The following APLF variants were observed in gnomAD, a reference collection of about 807,000 sequenced individuals.
APLF encodes aprataxin and PNKP like factor.
Under a neutral mutation model 55.6 loss-of-function variants are expected in APLF, and 61 were observed. The ratio of observed to expected loss-of-function variants is 1.10; its 90% CI spans 0.89 to 1.36. The LOEUF (loss-of-function observed/expected upper bound fraction) is 1.36. Among genes scored for constraint, APLF ranks in the 40% most tolerant of loss-of-function variants. APLF has a pLI of 0.00. For synonymous variants in APLF, 207 were observed against 214.8 expected, an observed-to-expected ratio of 0.96 and a Z score of 0.32; for missense variants, 611 against 602.5, an observed-to-expected ratio of 1.01 and a Z score of -0.15.
chr2:68,507,338 A>T (rs773349246), intron 3 of APLF, among the ~76,000 whole-genome samples: 4 of 151,986 alleles, frequency 2.6e-5, no homozygotes, highest in Admixed American at 6.6e-5. Flanking sequence ...AACCAACCAT[A>T]GAAGAGCTTG....
intron 2 of APLF, among the ~76,000 whole-genome samples, chr2:68,496,757 A>G (rs1209715034): frequency 6.6e-6 from 1 of 152,172 alleles, no homozygotes; most frequent in Non-Finnish European, 1.5e-5. Context: ...GACGTAACAT[A>G]CTTGACCTTT....
chr2:68,504,806 CTATTA>C, intron 3 of APLF, among the ~76,000 whole-genome samples: 1 of 152,022 alleles, frequency 6.6e-6, no homozygotes, highest in East Asian at 1.9e-4. Flanking sequence ...ACAAAAGTGT[CTATTA>C]TATGATTACA....
intron 1 of APLF, among the ~76,000 whole-genome samples, chr2:68,473,049 C>G (rs1428119656): frequency 1.3e-5 from 2 of 152,068 alleles, no homozygotes; most frequent in African/African-American, 4.8e-5. Context: ...ATGGTTTACA[C>G]TGGGGTTAAC....
At chr2:68,570,469 GT>G (rs1275954564) in intron 9 of APLF, among the ~76,000 whole-genome samples, 2 of 143,310 alleles carry the variant, frequency 1.4e-5, no homozygotes, top group Non-Finnish European at 3.0e-5. Context: ...ACAGGCCCCA[GT>G]GTGTGATGTT....
chr2:68,547,707 C>T (rs1670744447), intron 8 of APLF, among the ~76,000 whole-genome samples: 1 of 151,564 alleles, frequency 6.6e-6, no homozygotes, highest in Non-Finnish European at 1.5e-5. Flanking sequence ...TTCCAGATGA[C>T]TCATAGTACT....
At chr2:68,528,242 T>C in intron 6 of APLF, 17 of 1,237,442 alleles carry the variant, frequency 1.4e-5, no homozygotes, top group Non-Finnish European at 1.9e-5. Flanking sequence ...ATGCCTGCCC[T>C]GCTGTCTCTT....
chr2:68,494,232 C>T (rs1254862532), intron 2 of APLF, among the ~76,000 whole-genome samples: 1 of 139,702 alleles, frequency 7.2e-6, no homozygotes, highest in African/African-American at 2.7e-5. Flanking sequence ...AAGCTGAGAT[C>T]GCACCACTGT....
intron 1 of APLF, among the ~76,000 whole-genome samples, chr2:68,470,127 T>G (rs968053677): frequency 2.6e-5 from 4 of 152,228 alleles, no homozygotes; most frequent in Non-Finnish European, 5.9e-5. Flanking sequence ...ATTTTGATTC[T>G]GCTCCATGAT....
chr2:68,518,309 T>A (rs1335257113), intron 5 of APLF, among the ~76,000 whole-genome samples: 4 of 113,950 alleles, frequency 3.5e-5, no homozygotes, highest in East Asian at 2.5e-4. Flanking sequence ...ATATTATATA[T>A]TATTTAATAA....
At chr2:68,488,047 A>G (rs1194313441) in intron 1 of APLF, among the ~76,000 whole-genome samples, 1 of 152,168 alleles carries the variant, frequency 6.6e-6, no homozygotes, top group Non-Finnish European at 1.5e-5. Flanking sequence ...AGAGATAGGA[A>G]AAGTTCATGT....
At chr2:68,517,326 CATTACTATATAATATATTA>C (rs1558538611) in intron 5 of APLF, among the ~76,000 whole-genome samples, 8 of 111,886 alleles carry the variant, frequency 7.2e-5, no homozygotes, top group Non-Finnish European at 1.0e-4. Flanking sequence ...TAATATATGT[CATTACTATATAATATATTA>C]ATATATCATT....
At chr2:68,562,413 T>C (rs1371416606) in intron 8 of APLF, among the ~76,000 whole-genome samples, 1 of 152,008 alleles carries the variant, frequency 6.6e-6, no homozygotes, top group East Asian at 1.9e-4. Flanking sequence ...GTAGGTGCTA[T>C]GAAAGATATT....
intron 5 of APLF, 82 bp downstream of exon 5, chr2:68,513,762 A>G: frequency 2.0e-6 from 3 of 1,490,202 alleles, no homozygotes; most frequent in Non-Finnish European, 2.7e-6. Flanking sequence ...AAAACTATAA[A>G]CTAGTTCTAT....
At chr2:68,508,714 A>C (rs1344096148) in intron 3 of APLF, among the ~76,000 whole-genome samples, 2 of 152,068 alleles carry the variant, frequency 1.3e-5, no homozygotes, top group Non-Finnish European at 2.9e-5. Context: ...GAATTGGAAA[A>C]AACTACTTTA....
intron 7 of APLF, 124 bp downstream of exon 7, chr2:68,538,351 G>T (rs183566705): frequency 2.6e-6 from 2 of 783,238 alleles, no homozygotes; most frequent in Non-Finnish European, 3.8e-6. Flanking sequence ...GGGCTTTATC[G>T]TGTTTCTACT....
chr2:68,501,409 C>T (rs1235455788), intron 2 of APLF, among the ~76,000 whole-genome samples: 2 of 151,118 alleles, frequency 1.3e-5, no homozygotes, highest in Non-Finnish European at 2.9e-5. Flanking sequence ...GATCGGTGCT[C>T]TCTATAAGAT....
intron 2 of APLF, among the ~76,000 whole-genome samples, chr2:68,493,896 C>T (rs1338786147): frequency 6.6e-6 from 1 of 152,004 alleles, no homozygotes; most frequent in South Asian, 2.1e-4. Flanking sequence ...ATCACGAGGT[C>T]AGGAGATGGA....
At chr2:68,522,202 GATAA>G (rs1246382070) in intron 5 of APLF, among the ~76,000 whole-genome samples, 1 of 151,654 alleles carries the variant, frequency 6.6e-6, no homozygotes, top group African/African-American at 2.4e-5. Context: ...ATTAGATTCT[GATAA>G]ATAGTCATAT....
intron 9 of APLF, among the ~76,000 whole-genome samples, chr2:68,576,634 G>A (rs1671632788): frequency 6.6e-6 from 1 of 152,002 alleles, no homozygotes; most frequent in South Asian, 2.1e-4. Flanking sequence ...AATCCTTTCT[G>A]GAATGCGTAC....
Sources: allele counts gnomAD v4.1 joint callset (sites outside exome capture counted in the v4.1 genomes callset), GRCh38; gene constraint gnomAD v4.1.1; transcripts MANE v1.5; gene names NCBI Gene and HGNC (gene_info 2026-07-23, HGNC 2026-07-21).